The following CCDC7 variants were observed in gnomAD, a reference collection of about 807,000 sequenced individuals.
The protein encoded by CCDC7 is coiled-coil domain-containing protein 7.
Under a neutral mutation model 196.9 loss-of-function variants are expected in CCDC7, and 183 were observed. The ratio of observed to expected loss-of-function variants is 0.93; its 90% CI spans 0.82 to 1.05. The LOEUF (loss-of-function observed/expected upper bound fraction) is 1.05, where lower values mean the gene tolerates loss of function less well. CCDC7 is among the 50% of genes least tolerant of loss of function. CCDC7 has a pLI of 0.00. For missense variants in CCDC7, 1,540 were observed against 1,482.2 expected, an observed-to-expected ratio of 1.04 and a Z score of -0.64; for synonymous variants, 525 against 484.6, an observed-to-expected ratio of 1.08 and a Z score of -1.10.
intron 27 of CCDC7, 54 bp from the exon 29 acceptor site, chr10:32,729,278 T>C: frequency 2.0e-6 from 3 of 1,466,396 alleles, no homozygotes; most frequent in South Asian, 2.7e-5. Context: ...GAAATTCTGA[T>C]GATTACTTGG....
chr10:32,636,321 T>C (rs1259621383), intron 20 of CCDC7, among the ~76,000 whole-genome samples: 2 of 152,238 alleles, frequency 1.3e-5, no homozygotes, highest in African/African-American at 4.8e-5. Flanking sequence ...GTTTGTGTGC[T>C]GCACCCATTA....
At chr10:32,537,994 C>T (rs763318487) in intron 11 of CCDC7, among the ~76,000 whole-genome samples, 5 of 151,926 alleles carry the variant, frequency 3.3e-5, no homozygotes, top group African/African-American at 4.8e-5. Context: ...TGGTTCCTTA[C>T]GCATTTTAGA....
chr10:32,816,586 T>C (rs1389600607), intron 31 of CCDC7, among the ~76,000 whole-genome samples: 1 of 152,142 alleles, frequency 6.6e-6, no homozygotes, highest in Admixed American at 6.5e-5. Flanking sequence ...AGGCAACCCC[T>C]AGTAGGGGCA....
intron 29 of CCDC7, among the ~76,000 whole-genome samples, chr10:32,788,157 C>A (rs2082144187): frequency 6.6e-6 from 1 of 152,258 alleles, no homozygotes; most frequent in East Asian, 1.9e-4. Context: ...GAGCTTCACA[C>A]CCCAGACCGA....
intron 8 of CCDC7, among the ~76,000 whole-genome samples, chr10:32,481,329 C>T (rs1033755688): frequency 6.6e-6 from 1 of 152,102 alleles, no homozygotes; most frequent in South Asian, 2.1e-4. Flanking sequence ...TAAGGACTTA[C>T]TATTGCCATT....
chr10:32,758,830 T>C (rs1314759623), intron 28 of CCDC7, among the ~76,000 whole-genome samples: 3 of 152,194 alleles, frequency 2.0e-5, no homozygotes, highest in Non-Finnish European at 4.4e-5. Context: ...GATGACATGA[T>C]TGTATATTTA....
downstream of CCDC7, among the ~76,000 whole-genome samples, chr10:32,880,896 T>G: frequency 6.6e-6 from 1 of 152,202 alleles, no homozygotes; most frequent in East Asian, 1.9e-4. Flanking sequence ...TTGGTCTATG[T>G]GTCTGTTTTT....
chr10:32,536,388 TC>T (rs2050503814), intron 11 of CCDC7, among the ~76,000 whole-genome samples: 1 of 152,120 alleles, frequency 6.6e-6, no homozygotes, highest in African/African-American at 2.4e-5. Flanking sequence ...ATGCCACCTT[TC>T]CCCTTAAACA....
At chr10:32,483,261 A>G (rs1472826106) in intron 8 of CCDC7, among the ~76,000 whole-genome samples, 1 of 152,056 alleles carries the variant, frequency 6.6e-6, no homozygotes, top group Non-Finnish European at 1.5e-5. Context: ...GATGATGAGC[A>G]TTTTTTCATG....
Position 32,520,063 on chromosome 10 carries a change from A to T in CCDC7, c.993+1558A>T, listed in dbSNP as rs571973072. Among the ~76,000 whole-genome samples the T allele has an allele frequency of 1.1e-4, 16 of 152,084 alleles. No individual in the cohort carries two copies. The South Asian group carries it at 3.3e-3, about 32-fold the overall frequency. ...AAATGACACAATCTCCTTTTTTATG[A>T]CTAAATAGTACTCCATCGTGTATGA... On this transcript the variant is annotated intron_variant, in intron 11 of 41. Coordinates refer to ENST00000639629, the Ensembl canonical transcript of CCDC7.
intron 28 of CCDC7, among the ~76,000 whole-genome samples, chr10:32,757,181 T>C (rs1431308903): frequency 1.3e-5 from 2 of 152,070 alleles, no homozygotes; most frequent in Non-Finnish European, 2.9e-5. Flanking sequence ...CTGTCAACAT[T>C]AGACAGATCA....
chr10:32,755,072 G>A (rs2076211024), intron 28 of CCDC7, among the ~76,000 whole-genome samples: 1 of 152,150 alleles, frequency 6.6e-6, no homozygotes, highest in South Asian at 2.1e-4. Context: ...CTGGGGGAGG[G>A]GCATCCACCA....
intron 41 of CCDC7, among the ~76,000 whole-genome samples, chr10:32,875,522 T>C (rs1293282877): frequency 1.3e-5 from 2 of 152,032 alleles, no homozygotes; most frequent in African/African-American, 4.8e-5. Flanking sequence ...TACCATGCTG[T>C]TTTGGTTACT....
rs370122686 is a variant in CCDC7, at chr10:32,845,329, A to C, written c.3436+3A>C. 450 of 1,551,328 alleles carry C rather than the reference A, an allele frequency of 2.9e-4. 3 individuals are homozygous for C. In the South Asian group the frequency reaches 4.9e-3, roughly 17 times the overall value. On this transcript the variant is annotated splice_donor_region_variant and intron_variant, in intron 34 of 41. Coordinates refer to ENST00000639629, the Ensembl canonical transcript of CCDC7. ...TGCACAACTAAAGGGTCACCAAAGT[A>C]AGAAAAAGAATTTTTCACATCTAAT...
intron 21 of CCDC7, among the ~76,000 whole-genome samples, chr10:32,668,359 A>G (rs1444819138): frequency 3.3e-5 from 5 of 152,070 alleles, no homozygotes; most frequent in African/African-American, 1.2e-4. Context: ...AATACCCTTT[A>G]TTTCTTTCTC....
chr10:32,644,392 C>T (rs539151714), intron 20 of CCDC7, among the ~76,000 whole-genome samples: 15 of 152,194 alleles, frequency 9.9e-5, no homozygotes, highest in Non-Finnish European at 1.9e-4. Context: ...CACTATTCTA[C>T]TATTTCCATA....
intron 24 of CCDC7, among the ~76,000 whole-genome samples, chr10:32,699,298 G>A (rs2078249593): frequency 6.8e-6 from 1 of 146,812 alleles, no homozygotes; most frequent in South Asian, 2.1e-4. Context: ...GTGAGAACAT[G>A]TGGTGTTTGG....
At chr10:32,658,385 T>C (rs1281817520) in intron 20 of CCDC7, among the ~76,000 whole-genome samples, 1 of 152,092 alleles carries the variant, frequency 6.6e-6, no homozygotes, top group Admixed American at 6.6e-5. Flanking sequence ...AAAGACATCC[T>C]CCTTCACAAG....
At position 32,642,621 on chromosome 10, in the gene CCDC7, T is replaced by C. The variant is rs1346721761; in HGVS notation, c.2014+7463T>C. 3.9e-5 allele frequency among the ~76,000 whole-genome samples: 6 copies of C among 152,280 alleles called. No individual in the cohort carries two copies. In the East Asian group the frequency reaches 9.7e-4, roughly 25 times the overall value. ...TGCACTTCCCAGGTGAGGTGATGCC[T>C]CACCCTGCTTCAGCTTAGGCTCGGT... On this transcript the variant is annotated intron_variant, in intron 20 of 41. Transcript: ENST00000639629.
Sources: allele counts gnomAD v4.1 joint callset (sites outside exome capture counted in the v4.1 genomes callset), GRCh38; gene constraint gnomAD v4.1.1; transcripts MANE v1.5; gene names NCBI Gene and HGNC (gene_info 2026-07-23, HGNC 2026-07-21).